Variants in TCN2 observed in about 807,000 individuals in gnomAD.
TCN2 encodes transcobalamin-2.
A neutral mutation model predicts 48.6 loss-of-function variants in TCN2; 34 were observed. That is an observed-to-expected ratio of 0.70 (90% CI 0.53 to 0.93). The LOEUF (loss-of-function observed/expected upper bound fraction) is 0.93. Among genes scored for constraint, TCN2 ranks in the 40% least tolerant of loss-of-function variants. The pLI is 0.00. For synonymous variants in TCN2, 283 were observed against 212.5 expected (o/e 1.33, Z -2.89); for missense variants, 652 against 526.1 (o/e 1.24, Z -2.34).
intron 2 of TCN2, 106 bp from the exon 3 acceptor site, chr22:30,612,767 C>T: frequency 2.1e-6 from 3 of 1,428,086 alleles, no homozygotes; most frequent in South Asian, 1.2e-5. Flanking sequence ...CAAAGTTTCC[C>T]ACTGTTAAGA....
intron 7 of TCN2, among the ~76,000 whole-genome samples, chr22:30,620,238 G>C (rs1157765830): frequency 2.0e-5 from 3 of 152,090 alleles, no homozygotes; most frequent in Non-Finnish European, 4.4e-5. Context: ...GATTACTTGA[G>C]GCCAGGAGTT....
chr22:30,623,184 G>GC, intron 8 of TCN2, 101 bp downstream of exon 8: 1 of 1,115,344 alleles, frequency 9.0e-7, no homozygotes, highest in African/African-American at 1.5e-5. Context: ...ACCCTCCTGG[G>GC]CCACACCTTC....
At chr22:30,614,133 G>T (rs1038618329) in intron 3 of TCN2, among the ~76,000 whole-genome samples, 1 of 152,280 alleles carries the variant, frequency 6.6e-6, no homozygotes, top group East Asian at 1.9e-4. Flanking sequence ...CCCGAACTGC[G>T]CAGTGCCTGT....
chr22:30,623,269 G>T (rs1385013995), intron 8 of TCN2, 186 bp downstream of exon 8: 1 of 541,442 alleles, frequency 1.8e-6, no homozygotes, highest in African/African-American at 1.9e-5. Flanking sequence ...AAGTTACTGT[G>T]GAAATTCTAG....
intron 7 of TCN2, among the ~76,000 whole-genome samples, chr22:30,620,556 C>T (rs1007215905): frequency 2.0e-5 from 3 of 152,218 alleles, no homozygotes; most frequent in Admixed American, 6.5e-5. Flanking sequence ...TGCTGCTGGG[C>T]ACCAGCGCAG....
chr22:30,613,276 T>TG (rs2087567767), intron 3 of TCN2, among the ~76,000 whole-genome samples: 1 of 152,094 alleles, frequency 6.6e-6, no homozygotes, highest in Admixed American at 6.6e-5. Flanking sequence ...GTTTTTTGTT[T>TG]TTTGTTTGTT....
chr22:30,626,291 C>A (rs1201439066), intron 8 of TCN2, among the ~76,000 whole-genome samples, 169 bp from the exon 9 acceptor site: 1 of 152,130 alleles, frequency 6.6e-6, no homozygotes. Flanking sequence ...CTGTGGGAAG[C>A]TGAGTTCAGA....
intron 8 of TCN2, 92 bp from the exon 9 acceptor site, chr22:30,626,368 C>T (rs2087809859): frequency 3.6e-6 from 5 of 1,380,660 alleles, no homozygotes; most frequent in Non-Finnish European, 5.1e-6. Flanking sequence ...TTCTTACAGA[C>T]TCTAGCCTCA....
Position 30,612,997 on chromosome 22 carries a change from G to A in TCN2, c.382G>A (p.Val128Ile), listed in dbSNP as rs779655163. ...FVRGHKGDRL[V>I]SQLKWFLEDE... ...CAGGGGCCACAAGGGGGACAGGCTG[G>A]TCTCACAGCTCAAATGGTTCCTGGA... The change falls in exon 3 of 9, where the codon GTC becomes ATC. Residue 128 changes from valine (V) to isoleucine (I), a missense_variant. Coordinates refer to ENST00000215838, the MANE Select transcript of TCN2 (RefSeq NM_000355.4). 7 of 1,614,192 alleles carry A rather than the reference G, an allele frequency of 4.3e-6. No homozygotes were observed. Among genetic ancestry groups the A allele is most frequent in the Non-Finnish European group, 5.9e-6 (7 of 1,180,032 alleles).
chr22:30,614,553 G>C, intron 4 of TCN2, 52 bp downstream of exon 4: 2 of 1,611,094 alleles, frequency 1.2e-6, no homozygotes, highest in Non-Finnish European at 1.7e-6. Flanking sequence ...TCAGTCCCCA[G>C]GTCTGCACTG....
In TCN2 at chr22:30,607,397, T is replaced by TG. The variant is rs1157335575; in HGVS notation, c.64+3dup. On this transcript the variant is annotated splice_region_variant and intron_variant, in intron 1 of 8. Transcript: ENST00000215838. Reference sequence around the variant, plus strand: ...TGGGGGCCCTCACTGAGATGTGTGGTGAGTAACTCGCCTCTATCCTGTGCC... The same window carrying TG: ...TGGGGGCCCTCACTGAGATGTGTGGTGGAGTAACTCGCCTCTATCCTGTGCC... 2 of 1,614,026 alleles carry TG rather than the reference T, an allele frequency of 1.2e-6. No homozygotes were observed. Among genetic ancestry groups the TG allele is most frequent in the Non-Finnish European group, 1.7e-6 (2 of 1,180,024 alleles).
intron 7 of TCN2, 88 bp from the exon 8 acceptor site, chr22:30,622,880 G>A: frequency 2.2e-6 from 3 of 1,369,708 alleles, no homozygotes; most frequent in Non-Finnish European, 3.1e-6. Flanking sequence ...GAGCTTGGAA[G>A]GGATTTTGCT....
chr22:30,623,819 CACAT>C lies in TCN2; in HGVS notation c.1222+740_1222+743del, dbSNP rs1472117342. 4.7e-4 allele frequency among the ~76,000 whole-genome samples: 21 copies of C among 45,092 alleles called. 7 individuals carry two copies. The highest frequency in any genetic ancestry group is 2.6e-3 in the South Asian group (6 of 2,334). The allele number at this position is 45,092 out of a possible 152,430, so 29.6% of individuals were successfully genotyped here. On this transcript the variant is annotated intron_variant, in intron 8 of 8. Transcript: ENST00000215838. ...ATACACACATACACATATATACACA[CACAT>C]ACACACACATATACACACACATACA...
At chr22:30,617,602 C>T (rs1345317491) in intron 7 of TCN2, 107 bp downstream of exon 7, 4 of 1,451,484 alleles carry the variant, frequency 2.8e-6, no homozygotes, top group Non-Finnish European at 3.8e-6. Flanking sequence ...GGGAGAGACA[C>T]TGGCCCTGCT....
intron 8 of TCN2, among the ~76,000 whole-genome samples, chr22:30,623,837 C>T (rs796900347): frequency 0.044 from 1,282 of 29,018 alleles, 113 homozygotes; most frequent in Non-Finnish European, 0.058. Flanking sequence ...CACACATATA[C>T]ACACACATAC....
Position 30,623,102 on chromosome 22 carries a change from C to G in TCN2, c.1222+19C>G. On this transcript the variant is annotated intron_variant, in intron 8 of 8. Transcript: ENST00000215838. ...TTGCAAGGTGAGTCATGGCCTGACA[C>G]TCTGGATGTGTCCCCTACCCCAAGC... The G allele has an allele frequency of 1.2e-6, 2 of 1,612,598 alleles. No homozygotes were observed. Among genetic ancestry groups the G allele is most frequent in the Non-Finnish European group, 1.7e-6 (2 of 1,178,760 alleles).
intron 2 of TCN2, among the ~76,000 whole-genome samples, chr22:30,611,486 C>T (rs1238341807): frequency 1.3e-5 from 2 of 152,128 alleles, no homozygotes; most frequent in African/African-American, 2.4e-5. Flanking sequence ...AATCCATGAC[C>T]GCATTCTTTC....
intron 8 of TCN2, among the ~76,000 whole-genome samples, chr22:30,623,987 T>TATATACACACATATATATGTATAC: frequency 1.0e-5 from 1 of 97,442 alleles, no homozygotes; most frequent in South Asian, 2.9e-4. Context: ...TATGTATACA[T>TATATACACACATATATATGTATAC]ATATACACAC....
intron 8 of TCN2, among the ~76,000 whole-genome samples, chr22:30,625,191 C>T (rs1053265907): frequency 1.3e-5 from 2 of 152,156 alleles, no homozygotes; most frequent in African/African-American, 4.8e-5. Flanking sequence ...GCATTTCAGC[C>T]TGGGCAACAA....
Sources: gnomAD v4.1 joint callset for allele counts (sites outside exome capture counted in the v4.1 genomes callset) on GRCh38, gnomAD v4.1.1 for gene constraint, MANE v1.5 for transcripts, NCBI Gene and HGNC (gene_info 2026-07-23, HGNC 2026-07-21) for gene names.